DPP6: variants seen among roughly 807,000 people sequenced by gnomAD.
The protein encoded by DPP6 is A-type potassium channel modulatory protein DPP6.
A neutral mutation model predicts 122.6 loss-of-function variants in DPP6; 69 were observed. The ratio of observed to expected loss-of-function variants is 0.56; its 90% CI spans 0.46 to 0.69. DPP6 has a LOEUF of 0.69. Among genes scored for constraint, DPP6 ranks in the 30% least tolerant of loss-of-function variants. The pLI, the probability that DPP6 is intolerant of heterozygous loss-of-function variation, is 0.00. For missense variants in DPP6, 928 were observed against 1,116.9 expected (o/e 0.83, Z 2.41); for synonymous variants, 418 against 433.1 (o/e 0.97, Z 0.43).
In DPP6 at chr7:154,875,070, AGCCTGGCC is replaced by A. The variant is rs555579006; in HGVS notation, c.1884-834_1884-827del. Among the ~76,000 whole-genome samples, 96 of 151,864 alleles carry A rather than the reference AGCCTGGCC, an allele frequency of 6.3e-4. 1 individual carries two copies. The East Asian group carries it at 0.011, about 17-fold the overall frequency. ...AACCAAGATTGTGCCACTGCACTCCAGCCTGGCCGACAGAGTGAGACCCTGTCTCAAAC... is the reference window on the plus strand; with the variant it reads ...AACCAAGATTGTGCCACTGCACTCCAGACAGAGTGAGACCCTGTCTCAAAC... On this transcript the variant is annotated intron_variant, in intron 19 of 25. Coordinates refer to ENST00000377770, the MANE Select transcript of DPP6 (RefSeq NM_130797.4). This position sits in a 1 kb window ranked among gnomAD's most constrained non-coding sequence, Gnocchi z 4.5.
Position 154,282,395 on chromosome 7 carries a change from A to G in DPP6, c.244-163819A>G, listed in dbSNP as rs1804577132. Among the ~76,000 whole-genome samples, 1 of 152,232 alleles carries G rather than the reference A, an allele frequency of 6.6e-6. No individual in the cohort carries two copies. Among genetic ancestry groups the G allele is most frequent in the African/African-American group, 2.4e-5 (1 of 41,466 alleles). On this transcript the variant is annotated intron_variant, in intron 1 of 25. Transcript: ENST00000377770. The surrounding 1 kb of genome is among the most constrained non-coding windows in gnomAD (Gnocchi z 4.8). ...AGTGCACTGTTAACTGAGCAGAGGC[A>G]GCCGTACCTGGGGTGCTGATTAGCA...
At chr7:153,886,475 C>T (rs945575230), upstream of DPP6, among the ~76,000 whole-genome samples, 2 of 152,146 alleles carry the variant, frequency 1.3e-5, no homozygotes, top group African/African-American at 2.4e-5. Context: ...TGCGGGAGGT[C>T]TTCGGGGTCA....
At chr7:154,775,300 G>A (rs1796492160) in intron 10 of DPP6, among the ~76,000 whole-genome samples, 2 of 152,166 alleles carry the variant, frequency 1.3e-5, no homozygotes, top group Admixed American at 1.3e-4. Flanking sequence ...AGTTGTGAAA[G>A]TTAGATGAGA....
At chr7:154,388,941 T>C (rs1401451992) in intron 1 of DPP6, among the ~76,000 whole-genome samples, 2 of 152,216 alleles carry the variant, frequency 1.3e-5, no homozygotes, top group Non-Finnish European at 2.9e-5. Context: ...TTCTCAAATA[T>C]ACTTGCTACT....
intron 8 of DPP6, among the ~76,000 whole-genome samples, chr7:154,743,445 T>C (rs1172339434): frequency 6.6e-6 from 1 of 152,170 alleles, no homozygotes; most frequent in Non-Finnish European, 1.5e-5. Flanking sequence ...CCAAAGCACA[T>C]AATGCTTAGT....
intron 16 of DPP6, among the ~76,000 whole-genome samples, chr7:154,828,333 A>C (rs1800352057): frequency 6.6e-6 from 1 of 152,012 alleles, no homozygotes; most frequent in Non-Finnish European, 1.5e-5. Context: ...TTTTTTAATT[A>C]GATAAAATTT....
chr7:154,820,724 G>C (rs1206073623), intron 16 of DPP6, among the ~76,000 whole-genome samples: 1 of 152,168 alleles, frequency 6.6e-6, no homozygotes, highest in African/African-American at 2.4e-5. Context: ...TCTCTTGGTA[G>C]AGGCTTTAGA....
chr7:154,504,887 A>G (rs1157552831), intron 3 of DPP6, among the ~76,000 whole-genome samples: 2 of 152,000 alleles, frequency 1.3e-5, no homozygotes, highest in Non-Finnish European at 2.9e-5. Flanking sequence ...TGCATTACCT[A>G]ATATATGCAT....
chr7:154,351,158 A>C (rs1810819496), intron 1 of DPP6, among the ~76,000 whole-genome samples: 1 of 152,236 alleles, frequency 6.6e-6, no homozygotes, highest in Admixed American at 6.5e-5. Flanking sequence ...TTAATGCGTC[A>C]CTGTGCTTCT....
intron 18 of DPP6, among the ~76,000 whole-genome samples, chr7:154,869,863 C>T (rs1334038297): frequency 6.8e-6 from 1 of 147,634 alleles, no homozygotes; most frequent in Non-Finnish European, 1.5e-5. Flanking sequence ...ACCCCTGCCC[C>T]CAACACACTC....
intron 1 of DPP6, among the ~76,000 whole-genome samples, chr7:153,893,858 A>G (rs1362965981): frequency 6.6e-6 from 1 of 152,212 alleles, no homozygotes; most frequent in African/African-American, 2.4e-5. Flanking sequence ...TTTGGAAGAA[A>G]ACTCATTGGC....
chr7:154,395,056 C>T (rs1814965070), intron 1 of DPP6, among the ~76,000 whole-genome samples: 1 of 152,166 alleles, frequency 6.6e-6, no homozygotes, highest in African/African-American at 2.4e-5. Context: ...ATTTATTTCT[C>T]ACCATTCTGG....
chr7:153,959,974 C>T (rs543909232), intron 1 of DPP6, among the ~76,000 whole-genome samples: 8 of 152,106 alleles, frequency 5.3e-5, no homozygotes, highest in Non-Finnish European at 1.0e-4. Flanking sequence ...CTTCCTTTCA[C>T]TTTGACACTT....
chr7:154,381,653 G>C (rs1194564962), intron 1 of DPP6, among the ~76,000 whole-genome samples: 1 of 152,158 alleles, frequency 6.6e-6, no homozygotes, highest in East Asian at 1.9e-4. Context: ...AAAAATGCTG[G>C]TTTCAGCAAC....
At chr7:154,194,272 A>G (rs1342962664) in intron 1 of DPP6, among the ~76,000 whole-genome samples, 1 of 152,188 alleles carries the variant, frequency 6.6e-6, no homozygotes, top group Non-Finnish European at 1.5e-5. Flanking sequence ...TCTAGATGTC[A>G]GAAAGAAAAT....
chr7:154,118,416 A>G (rs1202299653), intron 1 of DPP6, among the ~76,000 whole-genome samples: 248 of 145,980 alleles, frequency 1.7e-3, no homozygotes, highest in Non-Finnish European at 2.7e-3. Flanking sequence ...TTTATAAAAC[A>G]TGAAGCCCTT....
At chr7:154,828,121 C>A (rs1171605305) in intron 16 of DPP6, among the ~76,000 whole-genome samples, 1 of 152,174 alleles carries the variant, frequency 6.6e-6, no homozygotes, top group Admixed American at 6.5e-5. Context: ...TAGGAGTGCG[C>A]CTGTGTGAAT....
chr7:153,984,405 A>G (rs1417423818), intron 1 of DPP6, among the ~76,000 whole-genome samples: 6 of 152,304 alleles, frequency 3.9e-5, no homozygotes, highest in Admixed American at 1.3e-4. Flanking sequence ...CCAGAAATCA[A>G]CCCCCAAAAT....
intron 1 of DPP6, among the ~76,000 whole-genome samples, chr7:153,899,687 A>G (rs1327326552): frequency 6.6e-6 from 1 of 152,210 alleles, no homozygotes; most frequent in Non-Finnish European, 1.5e-5. Context: ...CTTCTGAGAA[A>G]TGTGTTGTGC....
Sources: allele counts gnomAD v4.1 joint callset (sites outside exome capture counted in the v4.1 genomes callset), GRCh38; gene constraint gnomAD v4.1.1; non-coding constraint Gnocchi (gnomAD v3.1); transcripts MANE v1.5; gene names NCBI Gene and HGNC (gene_info 2026-07-23, HGNC 2026-07-21).